Variants in ITCH observed in about 807,000 individuals in gnomAD.
ITCH encodes the protein itchy E3 ubiquitin protein ligase.
A neutral mutation model predicts 126.8 loss-of-function variants in ITCH; 28 were observed. The observed-to-expected ratio is 0.22, with a 90% confidence interval of 0.16 to 0.30. The LOEUF is 0.30. Ranked by LOEUF, ITCH falls within the 10% of genes least tolerant of loss-of-function variation. ITCH has a pLI of 1.00. For synonymous variants in ITCH, 342 were observed against 340.0 expected (o/e 1.01, Z -0.06); for missense variants, 631 against 1,032.4 (o/e 0.61, Z 5.33).
chr20:34,389,906 A>T (rs1178963882), intron 2 of ITCH, among the ~76,000 whole-genome samples: 1 of 152,150 alleles, frequency 6.6e-6, no homozygotes, highest in Admixed American at 6.5e-5. Flanking sequence ...GGATCATTTG[A>T]GGTCAGGAGT....
At chr20:34,450,732 T>C (rs1408295159) in intron 12 of ITCH, among the ~76,000 whole-genome samples, 1 of 152,156 alleles carries the variant, frequency 6.6e-6, no homozygotes, top group East Asian at 1.9e-4. Context: ...GAAAGTGATA[T>C]TTCTAGATTG....
At chr20:34,505,520 G>C (rs918584495) in intron 24 of ITCH, among the ~76,000 whole-genome samples, 2 of 151,426 alleles carry the variant, frequency 1.3e-5, no homozygotes, top group Non-Finnish European at 2.9e-5. Flanking sequence ...TCCTGTTCTG[G>C]ACATTTCATA....
At chr20:34,405,437 G>A (rs1307619447) in intron 3 of ITCH, among the ~76,000 whole-genome samples, 9 of 152,170 alleles carry the variant, frequency 5.9e-5, no homozygotes, top group East Asian at 3.9e-4. Context: ...CCCGGCAGGC[G>A]GAGGTTGCAA....
chr20:34,408,593 A>T, intron 3 of ITCH, 58 bp from the exon 4 acceptor site: 1 of 1,481,094 alleles, frequency 6.8e-7, no homozygotes, highest in Non-Finnish European at 9.4e-7. Context: ...AGTTAAATTG[A>T]TTTCATGAGT....
chr20:34,475,825 A>G (rs189097287), intron 16 of ITCH: 204 of 709,140 alleles, frequency 2.9e-4, no homozygotes, highest in Middle Eastern at 7.7e-4. Flanking sequence ...AAAGCTAGTC[A>G]TAATACAGAA....
chr20:34,408,035 C>T (rs1429764522), intron 3 of ITCH, among the ~76,000 whole-genome samples: 2 of 152,212 alleles, frequency 1.3e-5, no homozygotes, highest in Non-Finnish European at 1.5e-5. Flanking sequence ...AAGCAGTCCT[C>T]CTGCCTCAGC....
At chr20:34,503,690 C>A (rs1569012214) in intron 23 of ITCH, among the ~76,000 whole-genome samples, 1 of 152,028 alleles carries the variant, frequency 6.6e-6, no homozygotes, top group Non-Finnish European at 1.5e-5. Context: ...CTAAAGAATG[C>A]TAGATGAAAC....
intron 7 of ITCH, among the ~76,000 whole-genome samples, chr20:34,437,791 G>A (rs1983215778): frequency 6.6e-6 from 1 of 152,154 alleles, no homozygotes; most frequent in Non-Finnish European, 1.5e-5. Flanking sequence ...GGAAGGAAAA[G>A]GAATCAGCTA....
intron 2 of ITCH, among the ~76,000 whole-genome samples, chr20:34,375,775 G>A: frequency 7.2e-6 from 1 of 138,296 alleles, no homozygotes. Context: ...CACTTTGGGA[G>A]GCCAAGGTGA....
At chr20:34,456,408 T>A (rs1347961273) in intron 12 of ITCH, among the ~76,000 whole-genome samples, 1 of 148,352 alleles carries the variant, frequency 6.7e-6, no homozygotes, top group African/African-American at 2.5e-5. Context: ...TCTTCTGGTA[T>A]CCTAATTTTT....
intron 23 of ITCH, among the ~76,000 whole-genome samples, chr20:34,495,342 ATTG>A (rs1199092782): frequency 1.3e-5 from 2 of 149,200 alleles, no homozygotes; most frequent in East Asian, 2.0e-4. Flanking sequence ...CACACGGTAA[ATTG>A]TTGTTGATTA....
At chr20:34,442,779 C>T (rs927797384) in intron 10 of ITCH, among the ~76,000 whole-genome samples, 11 of 151,292 alleles carry the variant, frequency 7.3e-5, no homozygotes, top group African/African-American at 2.7e-4. Flanking sequence ...TGAGACCATC[C>T]TGGCTAACGT....
chr20:34,378,458 C>A (rs35235127), intron 2 of ITCH, among the ~76,000 whole-genome samples: 22 of 103,538 alleles, frequency 2.1e-4, no homozygotes, highest in African/African-American at 8.5e-4. Context: ...GGGCGATGAG[C>A]GAAACTCTGT....
Position 34,408,694 on chromosome 20 carries a change from A to C in ITCH, c.114A>C (p.Gly38=). 6.2e-7 allele frequency: 1 copy of C among 1,614,022 alleles called. No individual in the cohort carries two copies. Among genetic ancestry groups the C allele is most frequent in the Non-Finnish European group, 8.5e-7 (1 of 1,179,900 alleles). ...KLKENKKNWF[G]PSPYVEVTVD... ...AGGAAAATAAGAAGAATTGGTTTGGACCAAGTCCTTACGTAGAGGTCACAG... is the reference window on the plus strand; with the variant it reads ...AGGAAAATAAGAAGAATTGGTTTGGCCCAAGTCCTTACGTAGAGGTCACAG... Residue 38 remains glycine, a synonymous_variant, in exon 4 of 25, where the codon GGA becomes GGC. Transcript: ENST00000374864.
At chr20:34,501,475 C>G (rs1990239895) in intron 23 of ITCH, among the ~76,000 whole-genome samples, 3 of 152,142 alleles carry the variant, frequency 2.0e-5, no homozygotes, top group Non-Finnish European at 2.9e-5. Flanking sequence ...AAGCCATTCT[C>G]TATAAGAAGT....
At chr20:34,494,751 G>A (rs1308314405) in intron 23 of ITCH, among the ~76,000 whole-genome samples, 1 of 151,962 alleles carries the variant, frequency 6.6e-6, no homozygotes, top group Non-Finnish European at 1.5e-5. Flanking sequence ...ACGAGCCCAG[G>A]GGTTTGAGAC....
chr20:34,489,162 A>G (rs1989343375), intron 20 of ITCH, 104 bp from the exon 21 acceptor site: 2 of 936,548 alleles, frequency 2.1e-6, no homozygotes, highest in Non-Finnish European at 3.2e-6. Context: ...CTATTTTTGA[A>G]TATATTTTAA....
At chr20:34,411,481 A>G (rs1601836845) in intron 4 of ITCH, among the ~76,000 whole-genome samples, 1 of 152,152 alleles carries the variant, frequency 6.6e-6, no homozygotes. Flanking sequence ...TACAATATAT[A>G]ATATGAGCTC....
chr20:34,502,686 G>C (rs1204465454), intron 23 of ITCH, among the ~76,000 whole-genome samples: 3 of 151,334 alleles, frequency 2.0e-5, no homozygotes, highest in Non-Finnish European at 4.4e-5. Flanking sequence ...CTCCAGCCTG[G>C]GAGACTCCGC....
Sources: gnomAD v4.1 joint callset for allele counts (sites outside exome capture counted in the v4.1 genomes callset) on GRCh38, gnomAD v4.1.1 for gene constraint, MANE v1.5 for transcripts, NCBI Gene and HGNC (gene_info 2026-07-23, HGNC 2026-07-21) for gene names.